The following ATAD5 variants were observed in gnomAD, a reference collection of about 807,000 sequenced individuals.
ATAD5 encodes ATPase family AAA domain-containing protein 5.
Under a neutral mutation model 176.9 loss-of-function variants are expected in ATAD5, and 58 were observed. The observed-to-expected ratio is 0.33, with a 90% CI of 0.27 to 0.41. ATAD5 has a LOEUF of 0.41. Ranked by LOEUF, ATAD5 falls within the 10% of genes least tolerant of loss-of-function variation. The pLI, the probability that ATAD5 is intolerant of heterozygous loss-of-function variation, is 1.00. For missense variants in ATAD5, 1,789 were observed against 2,094.1 expected (o/e 0.85, Z 2.84); for synonymous variants, 640 against 712.6 (o/e 0.90, Z 1.62).
At position 30,892,647 on chromosome 17, in the gene ATAD5, T is replaced by C; in HGVS notation, c.4299T>C (p.His1433=). The C allele has an allele frequency of 6.3e-7, 1 of 1,592,396 alleles. No individual in the cohort carries two copies. Among genetic ancestry groups the C allele is most frequent in the Non-Finnish European group, 8.5e-7 (1 of 1,172,122 alleles). Residue 1433 remains histidine, a synonymous_variant, in exon 20 of 23, where the codon CAT becomes CAC. Coordinates refer to ENST00000321990, the MANE Select transcript of ATAD5 (RefSeq NM_024857.5). ...ATGTACAACTAGTTTGCTCTGAACATGGCCTTGATAACAAAATTTACCCTA... is the reference window on the plus strand; with the variant it reads ...ATGTACAACTAGTTTGCTCTGAACACGGCCTTGATAACAAAATTTACCCTA... ...SRNVQLVCSE[H]GLDNKIYPKN...
At chr17:30,882,171 G>A (rs1162448954) in intron 18 of ATAD5, among the ~76,000 whole-genome samples, 1 of 151,610 alleles carries the variant, frequency 6.6e-6, no homozygotes, top group African/African-American at 2.4e-5. Flanking sequence ...CAGGAGAATT[G>A]CTCGAACCTG....
intron 8 of ATAD5, among the ~76,000 whole-genome samples, chr17:30,857,742 A>G (rs953248652): frequency 7.2e-6 from 1 of 138,306 alleles, no homozygotes; most frequent in Non-Finnish European, 1.6e-5. Context: ...GACTAAAGCT[A>G]TTTTTTTTTT....
intron 15 of ATAD5, 51 bp from the exon 16 acceptor site, chr17:30,877,365 G>A (rs1368062756): frequency 4.7e-6 from 6 of 1,270,740 alleles, no homozygotes; most frequent in Non-Finnish European, 6.7e-6. Flanking sequence ...CATATCCAAT[G>A]TCTTAGCAAA....
Position 30,834,928 on chromosome 17 carries a change from C to T in ATAD5, c.847C>T (p.Pro283Ser), listed in dbSNP as rs764604325. 25 of 1,611,788 alleles carry T rather than the reference C, an allele frequency of 1.6e-5. No homozygotes were observed. Among genetic ancestry groups the T allele is most frequent in the Non-Finnish European group, 2.0e-5 (24 of 1,179,264 alleles). Residue 283 changes from proline (P) to serine (S), a missense_variant, in exon 2 of 23, where the codon CCA (proline) becomes TCA (serine). Pro to Ser is a moderately conservative substitution (Grantham distance 74). Transcript: ENST00000321990. Reference protein sequence around the residue: ...SHKENKVEEIPDSTMSICVPS... With the variant: ...SHKENKVEEISDSTMSICVPS... ...CAAGGAAAATAAAGTGGAAGAGATACCAGACTCTACAATGTCAATTTGTGT... is the reference window on the plus strand; with the variant it reads ...CAAGGAAAATAAAGTGGAAGAGATATCAGACTCTACAATGTCAATTTGTGT...
intron 19 of ATAD5, among the ~76,000 whole-genome samples, chr17:30,890,511 T>C (rs1909583462): frequency 6.8e-6 from 1 of 146,024 alleles, no homozygotes; most frequent in African/African-American, 2.5e-5. Flanking sequence ...AACCTCTGCC[T>C]CCTGGGTTCA....
Position 30,894,720 on chromosome 17 carries a change from A to G in ATAD5, c.5454A>G (p.Arg1818=). The G allele has an allele frequency of 6.2e-7, 1 of 1,604,158 alleles. No homozygotes were observed. The highest frequency in any genetic ancestry group is 8.5e-7 in the Non-Finnish European group (1 of 1,177,012). The part of the protein sequence containing the change: ...EKLKEQGKSK[R]RFLHYFEGIH... ...TAAAAGAACAAGGAAAAAGTAAAAG[A>G]AGGTAAAGGCTTTATTAAAAACAAC... The change falls in exon 22 of 23, where the codon AGA becomes AGG. Residue 1818 remains arginine, a splice_region_variant and synonymous_variant. Transcript: ENST00000321990.
chr17:30,853,907 CAG>C (rs1246873261), intron 6 of ATAD5, among the ~76,000 whole-genome samples: 2 of 151,062 alleles, frequency 1.3e-5, no homozygotes, highest in African/African-American at 4.9e-5. Context: ...TGAAATATGA[CAG>C]TGATTTTTTT....
intron 6 of ATAD5, 81 bp downstream of exon 6, chr17:30,844,997 C>A: frequency 1.6e-6 from 2 of 1,218,844 alleles, no homozygotes; most frequent in Non-Finnish European, 2.3e-6. Flanking sequence ...GATGAGAAAG[C>A]ATGTGAATTA....
At chr17:30,833,842 A>C (rs1905524660) in intron 1 of ATAD5, among the ~76,000 whole-genome samples, 1 of 152,010 alleles carries the variant, frequency 6.6e-6, no homozygotes, top group South Asian at 2.1e-4. Flanking sequence ...CACTATGCTC[A>C]GCTAATTTTT....
intron 6 of ATAD5, among the ~76,000 whole-genome samples, chr17:30,846,583 A>G (rs1347757430): frequency 6.6e-6 from 1 of 151,602 alleles, no homozygotes; most frequent in African/African-American, 2.4e-5. Flanking sequence ...TTGTATTTTT[A>G]GTAGAGATGG....
chr17:30,871,860 C>T (rs542730297), intron 14 of ATAD5, among the ~76,000 whole-genome samples: 2 of 152,108 alleles, frequency 1.3e-5, no homozygotes, highest in African/African-American at 4.8e-5. Context: ...GTACCTATAA[C>T]TGTTCGTTAA....
At chr17:30,853,360 T>C (rs1907087387) in intron 6 of ATAD5, among the ~76,000 whole-genome samples, 1 of 151,928 alleles carries the variant, frequency 6.6e-6, no homozygotes, top group South Asian at 2.1e-4. Context: ...TGTATATTTT[T>C]TATTAGTACC....
chr17:30,878,232 G>A, intron 17 of ATAD5, 136 bp downstream of exon 17: 2 of 606,732 alleles, frequency 3.3e-6, no homozygotes, highest in Non-Finnish European at 5.9e-6. Flanking sequence ...TACTATGTTG[G>A]GTATTAGATA....
At chr17:30,849,163 G>C (rs1328618364) in intron 6 of ATAD5, among the ~76,000 whole-genome samples, 1 of 152,188 alleles carries the variant, frequency 6.6e-6, no homozygotes, top group Non-Finnish European at 1.5e-5. Flanking sequence ...GAGCCACCGT[G>C]CCTGGCTATA....
rs1305612074 is a variant in ATAD5 at position 30,834,745 on chromosome 17, T to G, written c.664T>G (p.Leu222Val). The G allele has an allele frequency of 6.2e-7, 1 of 1,613,994 alleles. No individual in the cohort carries two copies. Among genetic ancestry groups the G allele is most frequent in the Non-Finnish European group, 8.5e-7 (1 of 1,179,918 alleles). ...AGTAGATCTATCTGAAAGCTTACCC[T>G]TGGCAGAGGAACTAAATTTGCTTAA... ...DVVDLSESLP[L>V]AEELNLLKKD... The change falls in exon 2 of 23, where the codon TTG becomes GTG. Residue 222 changes from leucine (L) to valine (V), a missense_variant. By Grantham distance (32) the Leu-to-Val change is conservative. Around this residue, in one of 6 missense-constraint regions of ATAD5, gnomAD observed 696 missense variants for 712.5 expected, o/e 0.98. Coordinates refer to ENST00000321990, the MANE Select transcript of ATAD5 (RefSeq NM_024857.5).
Position 30,893,817 on chromosome 17 carries a change from A to C in ATAD5, c.4964A>C (p.Asn1655Thr). The C allele has an allele frequency of 1.2e-6, 2 of 1,614,050 alleles. No homozygotes were observed. The highest frequency in any genetic ancestry group is 8.5e-7 in the Non-Finnish European group (1 of 1,179,932). ...AATTCTCTCTCTGAGTTCATGGATA[A>C]CATGTCCTTCTTAGATGCACTTTTA... Reference protein sequence around the residue: ...CLNSLSEFMDNMSFLDALLTD... With the variant: ...CLNSLSEFMDTMSFLDALLTD... Residue 1655 changes from asparagine to threonine, a missense_variant, in exon 21 of 23, where the codon AAC becomes ACC. This residue lies in a region of ATAD5 where 403 missense variants were observed against 495.1 expected (regional missense o/e 0.81). Transcript: ENST00000321990.
intron 8 of ATAD5, among the ~76,000 whole-genome samples, chr17:30,857,780 G>C (rs544358858): frequency 7.2e-6 from 1 of 139,836 alleles, no homozygotes; most frequent in East Asian, 2.1e-4. Flanking sequence ...TCACCCTGTT[G>C]CCCAGGCTGG....
chr17:30,882,595 G>GA (rs113700654), intron 18 of ATAD5, among the ~76,000 whole-genome samples: 8,726 of 146,668 alleles, frequency 0.059, 668 homozygotes, highest in African/African-American at 0.18. Context: ...GGAAGAAAAA[G>GA]AAAAAAAAAA....
Position 30,865,796 on chromosome 17 carries a change from C to A in ATAD5, c.3229C>A (p.His1077Asn). Residue 1077 changes from histidine (H) to asparagine (N), a missense_variant, in exon 11 of 23, where the codon CAT becomes AAT. Transcript: ENST00000321990. ...AAATGAGTTAGCTATAAAAAAGTTA[C>A]ATAGGTTGGTAAAATGTGTAAGGAA... ...IGNELAIKKL[H>N]SWLKDWKRRA... 6.4e-7 allele frequency: 1 copy of A among 1,550,708 alleles called. No homozygotes were observed. The highest frequency in any genetic ancestry group is 8.7e-7 in the Non-Finnish European group (1 of 1,147,042).
Sources: gnomAD v4.1 joint callset for allele counts (sites outside exome capture counted in the v4.1 genomes callset) on GRCh38, gnomAD v4.1.1 for gene constraint, gnomAD v4.1.1 regional missense constraint, MANE v1.5 for transcripts, NCBI Gene and HGNC (gene_info 2026-07-23, HGNC 2026-07-21) for gene names.